CARD6: variants seen among roughly 807,000 people sequenced by gnomAD.
The protein encoded by CARD6 is caspase recruitment domain family member 6, also known as caspase recruitment domain-containing protein 6.
Under a neutral mutation model 23.6 loss-of-function variants are expected in CARD6, and 27 were observed. The ratio of observed to expected loss-of-function variants is 1.14; its 90% CI spans 0.84 to 1.58. CARD6 has a LOEUF of 1.58. Among genes scored for constraint, CARD6 ranks in the 40% most tolerant of loss-of-function variants. The probability of loss-of-function intolerance (pLI) is 0.00; values close to 1 mark genes in which losing one functional copy is unlikely to be tolerated. For missense variants in CARD6, 1,214 were observed against 1,209.9 expected (o/e 1.00, Z -0.05); for synonymous variants, 397 against 431.8 (o/e 0.92, Z 1.00).
At position 40,843,681 on chromosome 5, in the gene CARD6, G is replaced by A; in HGVS notation, c.813G>A (p.Leu271=). 2 of 1,552,724 alleles carry A rather than the reference G, an allele frequency of 1.3e-6. No individual in the cohort carries two copies. The highest frequency in any genetic ancestry group is 1.7e-6 in the Non-Finnish European group (2 of 1,158,276). Residue 271 remains leucine (L), a synonymous_variant, in exon 2 of 3, where the codon TTG becomes TTA. Coordinates refer to ENST00000254691, the MANE Select transcript of CARD6 (RefSeq NM_032587.4). ...SYEGSETSLS[L]EEEQEKSIEE... ...AGGGATCAGAAACCAGCCTTTCATT[G>A]GAGGAGGAACAGGAGAAAAGTATAG...
In CARD6 at chr5:40,842,373, G is replaced by A. The variant is rs115863280; in HGVS notation, c.283+708G>A. On this transcript the variant is annotated intron_variant, in intron 1 of 2. Coordinates refer to ENST00000254691, the MANE Select transcript of CARD6 (RefSeq NM_032587.4). ...GGCTCAGATAAAAAGGTGAATGTTAGTGATACCTAATTTAGGACAAGATTT... is the reference window on the plus strand; with the variant it reads ...GGCTCAGATAAAAAGGTGAATGTTAATGATACCTAATTTAGGACAAGATTT... 6.8e-3 allele frequency among the ~76,000 whole-genome samples: 1,039 copies of A among 152,304 alleles called. 8 individuals carry two copies. The highest frequency in any genetic ancestry group is 0.022 in the African/African-American group (928 of 41,566).
In CARD6 at chr5:40,854,366, C is replaced by T. The variant is rs758727831; in HGVS notation, c.3034C>T (p.Pro1012Ser). ...SKPSQPRPPQ[P>S]KSSSTNPSQA... ...GCCTTCTCAGCCCAGACCCCCTCAACCTAAGTCATCCTCAACCAATCCTTC... is the reference window on the plus strand; with the variant it reads ...GCCTTCTCAGCCCAGACCCCCTCAATCTAAGTCATCCTCAACCAATCCTTC... The change falls in exon 3 of 3, where the codon CCT becomes TCT. Residue 1012 changes from proline to serine, a missense_variant. Transcript: ENST00000254691. The T allele has an allele frequency of 3.1e-6, 5 of 1,614,178 alleles. No homozygotes were observed. Among genetic ancestry groups the T allele is most frequent in the Admixed American group, 3.3e-5 (2 of 60,018 alleles).
chr5:40,852,507 G>T lies in CARD6; in HGVS notation c.1175G>T (p.Arg392Leu), dbSNP rs377732886. 1 of 1,614,138 alleles carries T rather than the reference G, an allele frequency of 6.2e-7. No homozygotes were observed. Among genetic ancestry groups the T allele is most frequent in the Non-Finnish European group, 8.5e-7 (1 of 1,180,034 alleles). The change falls in exon 3 of 3, where the codon CGC (arginine) becomes CTC (leucine). Residue 392 changes from arginine to leucine, a missense_variant. Transcript: ENST00000254691. ...TMLCSDSSLQ[R>L]QVMSNMYQCQ... ...CTGTGTTCAGATAGCTCTTTGCAAC[G>T]CCAAGTCATGTCAAACATGTATCAG... is the stretch of plus-strand genomic sequence containing the variant.
At chr5:40,842,303 T>TA (rs1241840778) in intron 1 of CARD6, among the ~76,000 whole-genome samples, 5 of 151,702 alleles carry the variant, frequency 3.3e-5, no homozygotes, top group East Asian at 1.9e-4. Context: ...TCTAGGAATC[T>TA]AAAAAAAAAT....
chr5:40,843,193 G>A lies in CARD6; in HGVS notation c.325G>A (p.Gly109Arg), dbSNP rs1745905131. The part of the protein sequence containing the change: ...HENTVPPQSM[G>R]ASSNSEDAFS... ...GAATACAGTACCTCCTCAATCTATGGGGGCAAGCAGTAATTCAGAAGATGC... is the reference window on the plus strand; with the variant it reads ...GAATACAGTACCTCCTCAATCTATGAGGGCAAGCAGTAATTCAGAAGATGC... The change falls in exon 2 of 3, where the codon GGG (glycine) becomes AGG (arginine). Residue 109 changes from glycine to arginine, a missense_variant. Transcript: ENST00000254691. The A allele has an allele frequency of 1.2e-6, 2 of 1,611,398 alleles. No homozygotes were observed. Among genetic ancestry groups the A allele is most frequent in the Non-Finnish European group, 1.7e-6 (2 of 1,179,368 alleles).
rs959248813 is a variant in CARD6, at chr5:40,844,311, G to A, written c.841+602G>A. Among the ~76,000 whole-genome samples, 8 of 152,006 alleles carry A rather than the reference G, an allele frequency of 5.3e-5. No individual in the cohort carries two copies. The East Asian group carries it at 5.8e-4, about 11-fold the overall frequency. ...TGCAGTGGCACAATCATGACTCACC[G>A]CAGCCTCTACCTCCCAGGCTCGGGT... is the stretch of plus-strand genomic sequence containing the variant. On this transcript the variant is annotated intron_variant, in intron 2 of 2. Transcript: ENST00000254691.
At chr5:40,851,926 G>A (rs574737689) in intron 2 of CARD6, among the ~76,000 whole-genome samples, 1 of 151,208 alleles carries the variant, frequency 6.6e-6, no homozygotes, top group South Asian at 2.1e-4. Context: ...GATCAGTTCA[G>A]AGTCAGCCTG....
chr5:40,843,445 T>C lies in CARD6; in HGVS notation c.577T>C (p.Tyr193His), dbSNP rs1473140450. ...VGCEVPATIT[Y>H]IKDGQRYEEL... ...ATGTGAAGTTCCAGCAACTATTACATATATAAAAGATGGACAGAGATATGA... is the reference window on the plus strand; with the variant it reads ...ATGTGAAGTTCCAGCAACTATTACACATATAAAAGATGGACAGAGATATGA... Residue 193 changes from tyrosine (Y) to histidine (H), a missense_variant, in exon 2 of 3, where the codon TAT becomes CAT. Transcript: ENST00000254691. The C allele has an allele frequency of 1.2e-6, 2 of 1,613,882 alleles. No homozygotes were observed. The highest frequency in any genetic ancestry group is 8.5e-7 in the Non-Finnish European group (1 of 1,179,956).
chr5:40,852,894 C>G lies in CARD6; in HGVS notation c.1562C>G (p.Pro521Arg). Residue 521 changes from proline (P) to arginine (R), a missense_variant, in exon 3 of 3, where the codon CCC becomes CGC. Transcript: ENST00000254691. ...GATAGCGATGATAGAAAGGAAAACC[C>G]CTTTTTCCAAAAGCCTGTTGCTCTG... is the stretch of plus-strand genomic sequence containing the variant. ...FPDSDDRKENPFFQKPVALAN... is the reference protein window; with the variant it reads ...FPDSDDRKENRFFQKPVALAN... 6.2e-7 allele frequency: 1 copy of G among 1,613,844 alleles called. No individual in the cohort carries two copies. The highest frequency in any genetic ancestry group is 8.5e-7 in the Non-Finnish European group (1 of 1,179,938).
At chr5:40,851,548 G>A (rs1016619911) in intron 2 of CARD6, among the ~76,000 whole-genome samples, 1 of 151,778 alleles carries the variant, frequency 6.6e-6, no homozygotes. Flanking sequence ...TAGACCGGGT[G>A]TAGGGGCTTA....
intron 1 of CARD6, among the ~76,000 whole-genome samples, chr5:40,842,908 C>T (rs1286922661): frequency 6.6e-6 from 1 of 152,154 alleles, no homozygotes. Flanking sequence ...CATCATGGCG[C>T]ATGCCTGTAA....
chr5:40,852,450 T>C lies in CARD6; in HGVS notation c.1118T>C (p.Ile373Thr), dbSNP rs2112177306. ...ENLEIRDIQT[I>T]NPLDVLCATM... ...TTGGAAATTCGAGACATACAAACCA[T>C]TAATCCCCTTGACGTGCTTTGTGCC... The change falls in exon 3 of 3, where the codon ATT (isoleucine) becomes ACT (threonine). Residue 373 changes from isoleucine to threonine, a missense_variant. By Grantham distance (89) the Ile-to-Thr change is moderately conservative. Coordinates refer to ENST00000254691, the MANE Select transcript of CARD6 (RefSeq NM_032587.4). The C allele has an allele frequency of 6.2e-7, 1 of 1,614,172 alleles. No individual in the cohort carries two copies. Among genetic ancestry groups the C allele is most frequent in the Non-Finnish European group, 8.5e-7 (1 of 1,180,040 alleles).
chr5:40,852,342 A>G lies in CARD6; in HGVS notation c.1010A>G (p.Asp337Gly). ...TTCCTGATGAAAGTTCAAGCACGAG[A>G]TGTGACGGCTAGGGATTCAATCCTC... is the stretch of plus-strand genomic sequence containing the variant. ...WNFLMKVQARDVTARDSILSH... is the reference protein window; with the variant it reads ...WNFLMKVQARGVTARDSILSH... The change falls in exon 3 of 3, where the codon GAT (aspartate) becomes GGT (glycine). Residue 337 changes from aspartate (D) to glycine (G), a missense_variant. Physicochemically the swap from Asp to Gly is moderately conservative, Grantham distance 94. Transcript: ENST00000254691. The G allele has an allele frequency of 6.2e-7, 1 of 1,614,130 alleles. No homozygotes were observed. The highest frequency in any genetic ancestry group is 8.5e-7 in the Non-Finnish European group (1 of 1,180,024).
Position 40,852,892 on chromosome 5 carries a change from C to T in CARD6, c.1560C>T (p.Asn520=), listed in dbSNP as rs762476529. ...CTGATAGCGATGATAGAAAGGAAAA[C>T]CCCTTTTTCCAAAAGCCTGTTGCTC... ...CFPDSDDRKE[N]PFFQKPVALA... The change falls in exon 3 of 3, where the codon AAC becomes AAT. Residue 520 remains asparagine (N), a synonymous_variant. Transcript: ENST00000254691. 1.2e-6 allele frequency: 2 copies of T among 1,613,912 alleles called. No homozygotes were observed. Among genetic ancestry groups the T allele is most frequent in the Middle Eastern group, 1.6e-4 (1 of 6,062 alleles).
At chr5:40,848,667 G>A (rs1425445818) in intron 2 of CARD6, among the ~76,000 whole-genome samples, 1 of 152,118 alleles carries the variant, frequency 6.6e-6, no homozygotes, top group African/African-American at 2.4e-5. Flanking sequence ...ACTCTAGATT[G>A]TTATATTTCT....
intron 2 of CARD6, among the ~76,000 whole-genome samples, chr5:40,851,515 C>T (rs752435297): frequency 1.3e-5 from 2 of 151,626 alleles, no homozygotes; most frequent in Non-Finnish European, 2.9e-5. Flanking sequence ...ATTGTTTCAG[C>T]TTTTTGCAGT....
At chr5:40,848,866 C>T (rs1746010380) in intron 2 of CARD6, among the ~76,000 whole-genome samples, 1 of 152,010 alleles carries the variant, frequency 6.6e-6, no homozygotes, top group African/African-American at 2.4e-5. Flanking sequence ...GATATTATTG[C>T]TTACTTTTTT....
intron 2 of CARD6, among the ~76,000 whole-genome samples, chr5:40,849,617 G>A (rs62357601): frequency 0.18 from 27,485 of 152,048 alleles, 2,792 homozygotes; most frequent in East Asian, 0.31. Context: ...CTAGCTGGCC[G>A]TCTGTCAGGA....
At position 40,854,437 on chromosome 5, in the gene CARD6, G is replaced by A; in HGVS notation, c.3105G>A (p.Gly1035=). 4.3e-6 allele frequency: 7 copies of A among 1,612,656 alleles called. No homozygotes were observed. Among genetic ancestry groups the A allele is most frequent in the Non-Finnish European group, 5.9e-6 (7 of 1,178,868 alleles). Residue 1035 remains glycine (G), a synonymous_variant, in exon 3 of 3, where the codon GGG becomes GGA. Transcript: ENST00000254691. ...CAAAAGCAGGGCAGAAGAGGGGAGG[G>A]AAGCATTAAAGAGCTAACTCCAGAG... ...HHSKAGQKRG[G]KH
Sources: allele counts gnomAD v4.1 joint callset (sites outside exome capture counted in the v4.1 genomes callset), GRCh38; gene constraint gnomAD v4.1.1; transcripts MANE v1.5; gene names NCBI Gene and HGNC (gene_info 2026-07-23, HGNC 2026-07-21).